ARFGAP2: variants seen among roughly 807,000 people sequenced by gnomAD.
ARFGAP2 encodes ADP-ribosylation factor GTPase-activating protein 2.
A neutral mutation model predicts 71.9 loss-of-function variants in ARFGAP2; 45 were observed. The ratio of observed to expected loss-of-function variants is 0.63; its 90% confidence interval spans 0.49 to 0.80. The LOEUF is 0.80. Ranked by LOEUF, ARFGAP2 falls within the 30% of genes least tolerant of loss-of-function variation. The probability of loss-of-function intolerance (pLI) is 0.00; values close to 1 mark genes in which losing one functional copy is unlikely to be tolerated. For synonymous variants in ARFGAP2, 248 were observed against 249.2 expected, an observed-to-expected ratio of 1.00 and a Z score of 0.05; for missense variants, 633 against 673.9, an observed-to-expected ratio of 0.94 and a Z score of 0.67.
At chr11:47,168,288 G>A in intron 10 of ARFGAP2, 37 bp from the exon 11 acceptor site, 1 of 1,612,516 alleles carries the variant, frequency 6.2e-7, no homozygotes. Context: ...GAGACCAAAG[G>A]ATAGGCATCA....
rs1257713253 is a variant in ARFGAP2, at chr11:47,172,342, G to A, written c.620-9C>T. 4 of 1,614,166 alleles carry A rather than the reference G, an allele frequency of 2.5e-6. No homozygotes were observed. Among genetic ancestry groups the A allele is most frequent in the Non-Finnish European group, 2.5e-6 (3 of 1,180,028 alleles). On this transcript the variant is annotated splice_polypyrimidine_tract_variant and intron_variant, in intron 7 of 15. Coordinates refer to ENST00000524782, the MANE Select transcript of ARFGAP2 (RefSeq NM_032389.6). The stretch of plus-strand genomic sequence containing the variant: ...GATGGAGCTTTTCAGTTCTGCGTGA[G>A]AAACGGGTAGGCATGAGCTAAGACA...
intron 15 of ARFGAP2, 62 bp from the exon 16 acceptor site, chr11:47,165,564 C>G (rs960133633): frequency 1.3e-6 from 2 of 1,489,764 alleles, no homozygotes; most frequent in Admixed American, 2.1e-5. Flanking sequence ...CAGCAGCTTC[C>G]CAGCAAACAC....
chr11:47,174,241 G>A lies in ARFGAP2; in HGVS notation c.481-401C>T, dbSNP rs141947305. Reference sequence around the variant, plus strand: ...GACTTGGCCACCATCACAGGAATGCGGAGTAGAGAACAGGAATTGAAGCCA... The same window carrying A: ...GACTTGGCCACCATCACAGGAATGCAGAGTAGAGAACAGGAATTGAAGCCA... On this transcript the variant is annotated intron_variant, in intron 5 of 15. Coordinates refer to ENST00000524782, the MANE Select transcript of ARFGAP2 (RefSeq NM_032389.6). Among the ~76,000 whole-genome samples, 8 of 152,278 alleles carry A rather than the reference G, an allele frequency of 5.3e-5. No homozygotes were observed. In the South Asian group the frequency reaches 6.2e-4, roughly 12 times the overall value.
intron 3 of ARFGAP2, 62 bp from the exon 4 acceptor site, chr11:47,175,375 G>A: frequency 6.2e-7 from 1 of 1,611,042 alleles, no homozygotes; most frequent in African/African-American, 1.3e-5. Context: ...AAACGTGTTG[G>A]CTGTAGGAGA....
chr11:47,165,812 G>A (rs921006812), intron 15 of ARFGAP2, among the ~76,000 whole-genome samples: 1 of 152,172 alleles, frequency 6.6e-6, no homozygotes, highest in Non-Finnish European at 1.5e-5. Flanking sequence ...CTGGCACGGA[G>A]CTGAAAGGAA....
chr11:47,175,673 T>C, intron 3 of ARFGAP2, 178 bp downstream of exon 3: 1 of 720,300 alleles, frequency 1.4e-6, no homozygotes, highest in Non-Finnish European at 2.3e-6. Flanking sequence ...AATTGGAATC[T>C]GAAACCCATT....
rs138663468 is a variant in ARFGAP2 at position 47,166,593 on chromosome 11, C to A, written c.1339G>T (p.Ala447Ser). The change falls in exon 14 of 16, where the codon GCC becomes TCC. Residue 447 changes from alanine to serine, a missense_variant. Ala to Ser is a moderately conservative substitution (Grantham distance 99). Transcript: ENST00000524782. The part of the protein sequence containing the change: ...FGREVDAEYE[A>S]RSRLQQLSGS... ...GAGAGCTGCTGCAGCCGAGACCTGGCCTCATACTGTGGTGAGGAAAAGGCC... is the reference window on the plus strand; with the variant it reads ...GAGAGCTGCTGCAGCCGAGACCTGGACTCATACTGTGGTGAGGAAAAGGCC... 3.1e-6 allele frequency: 5 copies of A among 1,611,828 alleles called. No homozygotes were observed. Among genetic ancestry groups the A allele is most frequent in the Non-Finnish European group, 4.2e-6 (5 of 1,179,946 alleles).
In ARFGAP2 at chr11:47,164,487, C is replaced by T. The variant is rs1158353570; in HGVS notation, c.*995G>A. ...GGGGGCTGGGCTGAGACTGCCGGTG[C>T]GGCAGGGGAAGATGGCACCAAGAAT... On this transcript the variant is annotated 3_prime_UTR_variant, in exon 16 of 16. Coordinates refer to ENST00000524782, the MANE Select transcript of ARFGAP2 (RefSeq NM_032389.6). 18 of 353,248 alleles carry T rather than the reference C, an allele frequency of 5.1e-5. No individual in the cohort carries two copies. The highest frequency in any genetic ancestry group is 3.3e-4 in the East Asian group (6 of 18,246). The allele number at this position is 353,248 out of a possible 1,614,324, so 21.9% of individuals were successfully genotyped here.
chr11:47,171,953 T>C, intron 8 of ARFGAP2, 153 bp from the exon 9 acceptor site: 1 of 1,172,502 alleles, frequency 8.5e-7, no homozygotes, highest in African/African-American at 1.5e-5. Flanking sequence ...AAGACAATAG[T>C]GCTCCGCTGG....
Position 47,176,767 on chromosome 11 carries a change from C to T in ARFGAP2, c.72+15G>A, listed in dbSNP as rs759580011. The T allele has an allele frequency of 2.5e-6, 4 of 1,614,084 alleles. No individual in the cohort carries two copies. Among genetic ancestry groups the T allele is most frequent in the East Asian group, 4.5e-5 (2 of 44,878 alleles). On this transcript the variant is annotated intron_variant, in intron 1 of 15. Coordinates refer to ENST00000524782, the MANE Select transcript of ARFGAP2 (RefSeq NM_032389.6). Reference sequence around the variant, plus strand: ...CAGCGGGACGAGAGACTCCGCGCGCCCCCTGCTCACGCACCTTGTTGGTTG... The same window carrying T: ...CAGCGGGACGAGAGACTCCGCGCGCTCCCTGCTCACGCACCTTGTTGGTTG...
Position 47,173,761 on chromosome 11 carries a change from G to A in ARFGAP2, c.560C>T (p.Ala187Val). 6.3e-7 allele frequency: 1 copy of A among 1,599,806 alleles called. No homozygotes were observed. Among genetic ancestry groups the A allele is most frequent in the Middle Eastern group, 1.7e-4 (1 of 5,930 alleles). ...PAPSTESSGL[A>V]QPEHGPNTDL... is the part of the protein sequence containing the mutation. ...GTTGGAATCTGGGCTGAACTCACGT[G>A]CCAGGCCACTGCTCTCTGTAGACGG... The change falls in exon 6 of 16, where the codon GCA (alanine) becomes GTA (valine). Residue 187 changes from alanine (A) to valine (V), a missense_variant and splice_region_variant. Coordinates refer to ENST00000524782, the MANE Select transcript of ARFGAP2 (RefSeq NM_032389.6).
chr11:47,176,558 G>C lies in ARFGAP2; in HGVS notation c.149C>G (p.Ser50Cys), dbSNP rs747736486. ...GACGCCCAGGGAGCGGTGCACCCCG[G>C]AACAGTCAATGCACAAGAAAACACC... ...TYGVFLCIDC[S>C]GVHRSLGVHL... Residue 50 changes from serine to cysteine, a missense_variant, in exon 2 of 16, where the codon TCC (serine) becomes TGC (cysteine). Physicochemically the swap from Ser to Cys is moderately radical, Grantham distance 112. Coordinates refer to ENST00000524782, the MANE Select transcript of ARFGAP2 (RefSeq NM_032389.6). 1.2e-6 allele frequency: 2 copies of C among 1,613,970 alleles called. No homozygotes were observed. The highest frequency in any genetic ancestry group is 1.1e-5 in the South Asian group (1 of 91,078).
chr11:47,173,769 A>G lies in ARFGAP2; in HGVS notation c.552T>C (p.Ser184=). ...TQQPAPSTES[S]GLAQPEHGPN... is the part of the protein sequence containing the mutation. The stretch of plus-strand genomic sequence containing the variant: ...CTGGGCTGAACTCACGTGCCAGGCC[A>G]CTGCTCTCTGTAGACGGGGCTGGCT... Residue 184 remains serine, a synonymous_variant, in exon 6 of 16, where the codon AGT becomes AGC. Transcript: ENST00000524782. 1 of 1,602,834 alleles carries G rather than the reference A, an allele frequency of 6.2e-7. No homozygotes were observed.
At chr11:47,174,003 G>C (rs923394918) in intron 5 of ARFGAP2, 163 bp from the exon 6 acceptor site, 1 of 1,375,544 alleles carries the variant, frequency 7.3e-7, no homozygotes, top group South Asian at 1.3e-5. Flanking sequence ...CACTGTGGAA[G>C]AAAGCAGGAA....
At chr11:47,168,426 G>T in intron 10 of ARFGAP2, 175 bp from the exon 11 acceptor site, 1 of 747,730 alleles carries the variant, frequency 1.3e-6, no homozygotes, top group Non-Finnish European at 2.1e-6. Flanking sequence ...TGTGTGTGGT[G>T]ACCTGTGAAG....
Position 47,168,239 on chromosome 11 carries a change from G to A in ARFGAP2, c.954C>T (p.His318=), listed in dbSNP as rs1257544230. 6.2e-7 allele frequency: 1 copy of A among 1,614,192 alleles called. No individual in the cohort carries two copies. Among genetic ancestry groups the A allele is most frequent in the Non-Finnish European group, 8.5e-7 (1 of 1,180,032 alleles). Residue 318 remains histidine, a synonymous_variant, in exon 11 of 16, where the codon CAC becomes CAT. Coordinates refer to ENST00000524782, the MANE Select transcript of ARFGAP2 (RefSeq NM_032389.6). ...TCACCTGCATCTCAGACAGCACGGA[G>A]TGGGAGACAGAGCTGCGCAGCAAAG... ...MGLVSRSSVS[H]SVLSEMQVIE...
At chr11:47,168,478 C>T (rs370672242) in intron 10 of ARFGAP2, 4 of 470,472 alleles carry the variant, frequency 8.5e-6, no homozygotes, top group Non-Finnish European at 1.5e-5. Context: ...GTTTATTCCA[C>T]GTAGGAGTTC....
chr11:47,167,766 G>A, intron 12 of ARFGAP2, 143 bp downstream of exon 12: 2 of 1,040,502 alleles, frequency 1.9e-6, no homozygotes, highest in Non-Finnish European at 2.7e-6. Context: ...TAGCCACATA[G>A]TAGTGGCTAC....
chr11:47,165,478 C>A lies in ARFGAP2; in HGVS notation c.*4G>T. ...CATCGTAAGCCTGAGTCACAGAGCT[C>A]GGATCAGTAGGAACCGTAGCGATCC... On this transcript the variant is annotated 3_prime_UTR_variant, in exon 16 of 16. Transcript: ENST00000524782. 1 of 1,567,538 alleles carries A rather than the reference C, an allele frequency of 6.4e-7. No individual in the cohort carries two copies. Among genetic ancestry groups the A allele is most frequent in the Non-Finnish European group, 8.7e-7 (1 of 1,155,910 alleles).
Sources: allele counts gnomAD v4.1 joint callset (sites outside exome capture counted in the v4.1 genomes callset), GRCh38; gene constraint gnomAD v4.1.1; transcripts MANE v1.5; gene names NCBI Gene and HGNC (gene_info 2026-07-23, HGNC 2026-07-21).